The following ABLIM1 variants were observed in gnomAD, a reference collection of about 807,000 sequenced individuals.
ABLIM1 encodes actin-binding LIM protein 1.
A neutral mutation model predicts 107.0 loss-of-function variants in ABLIM1; 40 were observed. The ratio of observed to expected loss-of-function variants is 0.37; its 90% confidence interval spans 0.29 to 0.49. ABLIM1 has a LOEUF of 0.49. Among genes scored for constraint, ABLIM1 ranks in the 20% least tolerant of loss-of-function variants. The probability of loss-of-function intolerance (pLI) is 0.97; values close to 1 mark genes in which losing one functional copy is unlikely to be tolerated. For synonymous variants in ABLIM1, 357 were observed against 357.3 expected (o/e 1.00, Z 0.01); for missense variants, 857 against 1,008.5 (o/e 0.85, Z 2.04).
intron 2 of ABLIM1, among the ~76,000 whole-genome samples, chr10:114,601,072 A>G (rs58849690): frequency 7.4e-6 from 1 of 134,348 alleles, no homozygotes; most frequent in East Asian, 2.2e-4. Flanking sequence ...ACACACACAC[A>G]CACACACACA....
At chr10:114,695,290 A>T (rs2081171762) in intron 1 of ABLIM1, among the ~76,000 whole-genome samples, 1 of 152,154 alleles carries the variant, frequency 6.6e-6, no homozygotes, top group African/African-American at 2.4e-5. Context: ...TCAAGTGCTA[A>T]CATTTATAGA....
chr10:114,708,437 GA>G (rs2081472297), intron 1 of ABLIM1, among the ~76,000 whole-genome samples: 1 of 152,118 alleles, frequency 6.6e-6, no homozygotes, highest in Non-Finnish European at 1.5e-5. Flanking sequence ...TGGAGGAAGG[GA>G]CAGGGACCCT....
intron 1 of ABLIM1, among the ~76,000 whole-genome samples, chr10:114,706,449 AATG>A (rs773029181): frequency 2.2e-4 from 34 of 152,392 alleles, no homozygotes; most frequent in Non-Finnish European, 1.6e-4. Flanking sequence ...GTCTGCTGGC[AATG>A]ATGATACCAA....
At chr10:114,533,877 T>C (rs558313317) in intron 6 of ABLIM1, among the ~76,000 whole-genome samples, 1 of 152,332 alleles carries the variant, frequency 6.6e-6, no homozygotes, top group East Asian at 1.9e-4. Flanking sequence ...GAGGTCTTAC[T>C]GTGTTGCCTA....
At chr10:114,738,135 G>A (rs767534220) in intron 1 of ABLIM1, among the ~76,000 whole-genome samples, 3 of 152,080 alleles carry the variant, frequency 2.0e-5, no homozygotes, top group Non-Finnish European at 2.9e-5. Context: ...AGCAATGTCC[G>A]CCTCCCAGGT....
rs1270070704 is a variant in ABLIM1 at position 114,444,005 on chromosome 10, G to T, written c.1933+24C>A. ...GCAGGTGGCTGGCTCTCGAATCAGGGAAGGTTGGGGGTTTGCTGCTTACCT... is the reference window on the plus strand; with the variant it reads ...GCAGGTGGCTGGCTCTCGAATCAGGTAAGGTTGGGGGTTTGCTGCTTACCT... On this transcript the variant is annotated intron_variant, in intron 17 of 22. Transcript: ENST00000533213. 4 of 1,582,632 alleles carry T rather than the reference G, an allele frequency of 2.5e-6. No homozygotes were observed. The Admixed American group carries it at 5.5e-5, about 22-fold the overall frequency.
chr10:114,437,488 TTTG>T (rs955746406), intron 22 of ABLIM1, among the ~76,000 whole-genome samples: 1 of 150,006 alleles, frequency 6.7e-6, no homozygotes, highest in African/African-American at 2.5e-5. Context: ...CCCGTGAATT[TTTG>T]TATTTTTAGT....
At chr10:114,751,390 T>TTTA in intron 1 of ABLIM1, among the ~76,000 whole-genome samples, 1 of 152,332 alleles carries the variant, frequency 6.6e-6, no homozygotes, top group African/African-American at 2.4e-5. Context: ...ATTCATTCAA[T>TTTA]AAACTTAATG....
intron 1 of ABLIM1, among the ~76,000 whole-genome samples, chr10:114,648,153 G>A (rs1402774832): frequency 6.6e-6 from 1 of 152,114 alleles, no homozygotes; most frequent in Non-Finnish European, 1.5e-5. Flanking sequence ...GAGAATTATC[G>A]TATGACCCAG....
At chr10:114,578,045 C>T (rs563711906) in intron 2 of ABLIM1, among the ~76,000 whole-genome samples, 1 of 152,254 alleles carries the variant, frequency 6.6e-6, no homozygotes, top group Non-Finnish European at 1.5e-5. Flanking sequence ...GTGGCCAGGC[C>T]CCTAAATGCA....
intron 1 of ABLIM1, among the ~76,000 whole-genome samples, chr10:114,679,198 C>T (rs1053148010): frequency 3.3e-5 from 5 of 152,206 alleles, no homozygotes; most frequent in Admixed American, 1.3e-4. Flanking sequence ...AGCAGCATGA[C>T]ACCAACCATA....
chr10:114,651,572 C>T (rs922833055), intron 1 of ABLIM1, among the ~76,000 whole-genome samples: 10 of 151,790 alleles, frequency 6.6e-5, no homozygotes, highest in Admixed American at 5.3e-4. Context: ...AAGAGTGGGA[C>T]GTGATAGAAA....
At chr10:114,719,317 A>T (rs1048022109) in intron 1 of ABLIM1, among the ~76,000 whole-genome samples, 3 of 152,190 alleles carry the variant, frequency 2.0e-5, no homozygotes, top group African/African-American at 7.2e-5. Context: ...TACACAGATG[A>T]TCTCAGCTGA....
intron 1 of ABLIM1, among the ~76,000 whole-genome samples, chr10:114,727,340 A>T (rs7090133): frequency 0.046 from 7,013 of 152,334 alleles, 239 homozygotes; most frequent in African/African-American, 0.085. Flanking sequence ...AAAAGAGTAT[A>T]ATGCGATATC....
intron 8 of ABLIM1, among the ~76,000 whole-genome samples, chr10:114,477,838 C>T (rs2056714569): frequency 6.6e-6 from 1 of 152,168 alleles, no homozygotes; most frequent in Non-Finnish European, 1.5e-5. Context: ...GATTCTACTG[C>T]CTCAGCCTCC....
intron 1 of ABLIM1, among the ~76,000 whole-genome samples, chr10:114,719,492 A>G (rs932898196): frequency 6.6e-6 from 1 of 152,216 alleles, no homozygotes; most frequent in Non-Finnish European, 1.5e-5. Flanking sequence ...AAAGTACGCT[A>G]TCAAGGTCAC....
At chr10:114,491,024 ATGGTCTATTT>A (rs777764649) in intron 7 of ABLIM1, among the ~76,000 whole-genome samples, 20 of 116,942 alleles carry the variant, frequency 1.7e-4, no homozygotes, top group East Asian at 8.3e-4. Flanking sequence ...ATATATATAT[ATGGTCTATTT>A]TATATATATA....
At chr10:114,692,887 C>T (rs888035399) in intron 1 of ABLIM1, among the ~76,000 whole-genome samples, 1 of 152,148 alleles carries the variant, frequency 6.6e-6, no homozygotes, top group Non-Finnish European at 1.5e-5. Context: ...AAGACTCCAT[C>T]TCACACACAC....
Position 114,487,905 on chromosome 10 carries a change from C to A in ABLIM1, c.1041+53G>T, listed in dbSNP as rs187959550. The A allele has an allele frequency of 4.6e-5, 73 of 1,596,500 alleles. 1 individual carries two copies. In the Middle Eastern group the frequency reaches 8.3e-4, roughly 18 times the overall value. ...CCCTAGCCCCAAGAATTAGTGACCA[C>A]GAGCGTATGGCCTACAAATGCAGCT... On this transcript the variant is annotated intron_variant, in intron 8 of 22. Transcript: ENST00000533213.
Sources: gnomAD v4.1 joint callset for allele counts (sites outside exome capture counted in the v4.1 genomes callset) on GRCh38, gnomAD v4.1.1 for gene constraint, MANE v1.5 for transcripts, NCBI Gene and HGNC (gene_info 2026-07-23, HGNC 2026-07-21) for gene names.